The following EPHA5 variants were observed in gnomAD, a reference collection of about 807,000 sequenced individuals.
EPHA5 encodes the protein EPH receptor A5.
A neutral mutation model predicts 105.0 loss-of-function variants in EPHA5; 60 were observed. The observed-to-expected ratio is 0.57, with a 90% CI of 0.46 to 0.71. The LOEUF (loss-of-function observed/expected upper bound fraction) is 0.71. Among genes scored for constraint, EPHA5 ranks in the 30% least tolerant of loss-of-function variants. EPHA5 has a pLI of 0.00. For missense variants in EPHA5, 1,218 were observed against 1,274.7 expected, an observed-to-expected ratio of 0.96 and a Z score of 0.68; for synonymous variants, 513 against 449.1, an observed-to-expected ratio of 1.14 and a Z score of -1.80.
chr4:65,439,114 C>A (rs549883174), intron 5 of EPHA5, among the ~76,000 whole-genome samples: 1 of 152,048 alleles, frequency 6.6e-6, no homozygotes, highest in South Asian at 2.1e-4. Flanking sequence ...CTACAACTAG[C>A]AGTGCAGTTG....
chr4:65,431,893 TA>T (rs973265229), intron 5 of EPHA5, among the ~76,000 whole-genome samples: 16 of 149,926 alleles, frequency 1.1e-4, no homozygotes, highest in Admixed American at 2.7e-4. Context: ...ATGTGCCCAA[TA>T]AAAAAAAAGA....
chr4:65,468,872 C>T (rs1729017497), intron 5 of EPHA5, among the ~76,000 whole-genome samples: 1 of 151,402 alleles, frequency 6.6e-6, no homozygotes, highest in Non-Finnish European at 1.5e-5. Context: ...AAATCCATTC[C>T]ATTTACTCTC....
At chr4:65,627,975 TAA>T (rs1746302744) in intron 2 of EPHA5, among the ~76,000 whole-genome samples, 1 of 152,170 alleles carries the variant, frequency 6.6e-6, no homozygotes. Flanking sequence ...TAAACTGAGC[TAA>T]AGTTTGAAAT....
At chr4:65,420,369 A>G (rs1723822744) in intron 6 of EPHA5, 72 bp downstream of exon 6, 2 of 1,428,776 alleles carry the variant, frequency 1.4e-6, no homozygotes, top group African/African-American at 2.9e-5. Context: ...CTCTTCTGCA[A>G]GTTGGATAAT....
At chr4:65,495,192 A>G (rs1731800669) in intron 4 of EPHA5, among the ~76,000 whole-genome samples, 196 bp downstream of exon 4, 1 of 152,198 alleles carries the variant, frequency 6.6e-6, no homozygotes, top group African/African-American at 2.4e-5. Flanking sequence ...TACTTCTAAC[A>G]ATGAGTGATA....
At chr4:65,533,785 T>C (rs1370072028) in intron 3 of EPHA5, among the ~76,000 whole-genome samples, 2 of 151,950 alleles carry the variant, frequency 1.3e-5, no homozygotes, top group Non-Finnish European at 2.9e-5. Flanking sequence ...AATACAAAAA[T>C]TAGCTGGGTG....
chr4:65,542,937 T>C (rs973253711), intron 3 of EPHA5, among the ~76,000 whole-genome samples: 1 of 152,036 alleles, frequency 6.6e-6, no homozygotes, highest in Non-Finnish European at 1.5e-5. Flanking sequence ...TCAATAAACA[T>C]AATCCATCAC....
intron 2 of EPHA5, among the ~76,000 whole-genome samples, chr4:65,642,284 C>T (rs1747735295): frequency 6.6e-6 from 1 of 151,928 alleles, no homozygotes; most frequent in African/African-American, 2.4e-5. Context: ...AGGCATTTAT[C>T]TGTATGGAGC....
At position 65,618,882 on chromosome 4, in the gene EPHA5, C is replaced by T. The variant is rs1560780741; in HGVS notation, c.247-16578G>A. Among the ~76,000 whole-genome samples, 3 of 152,120 alleles carry T rather than the reference C, an allele frequency of 2.0e-5. No individual in the cohort carries two copies. The South Asian group carries it at 6.2e-4, about 31-fold the overall frequency. ...AAAGAATAAACTAATTGGTTGGGCGCGGTGGCTCACGCCTGTAATCCCAGC... is the reference window on the plus strand; with the variant it reads ...AAAGAATAAACTAATTGGTTGGGCGTGGTGGCTCACGCCTGTAATCCCAGC... On this transcript the variant is annotated intron_variant, in intron 2 of 16. Transcript: ENST00000613740.
chr4:65,655,298 C>T (rs1748958563), intron 1 of EPHA5, among the ~76,000 whole-genome samples: 2 of 151,824 alleles, frequency 1.3e-5, no homozygotes, highest in South Asian at 4.1e-4. Context: ...ACCAGAAGTA[C>T]TTTTTTTTAA....
chr4:65,639,627 C>G (rs1435205718), intron 2 of EPHA5, among the ~76,000 whole-genome samples: 1 of 152,064 alleles, frequency 6.6e-6, no homozygotes, highest in African/African-American at 2.4e-5. Context: ...ATTAATGTTT[C>G]CTCATCAAAT....
intron 3 of EPHA5, among the ~76,000 whole-genome samples, chr4:65,523,469 A>G (rs76915513): frequency 2.6e-3 from 400 of 152,146 alleles, no homozygotes; most frequent in African/African-American, 9.0e-3. Flanking sequence ...CGTAAACTCA[A>G]TGTGACAAAA....
Position 65,365,904 on chromosome 4 carries a change from A to G in EPHA5, c.1987+28T>C, listed in dbSNP as rs773733826. 5.0e-6 allele frequency: 8 copies of G among 1,588,594 alleles called. No homozygotes were observed. In the South Asian group the frequency reaches 9.0e-5, roughly 18 times the overall value. ...CATTCTGGAATGCAAACAAAAGTTAAAAATGAAAGTCAAACACATTGTCGT... is the reference window on the plus strand; with the variant it reads ...CATTCTGGAATGCAAACAAAAGTTAGAAATGAAAGTCAAACACATTGTCGT... On this transcript the variant is annotated intron_variant, in intron 10 of 16. Coordinates refer to ENST00000613740, the MANE Select transcript of EPHA5 (RefSeq NM_001281766.3).
chr4:65,349,152 C>T (rs1017216262), intron 13 of EPHA5, among the ~76,000 whole-genome samples: 1 of 151,932 alleles, frequency 6.6e-6, no homozygotes, highest in Non-Finnish European at 1.5e-5. Context: ...TACACTTTCC[C>T]TTGACGTTGT....
intron 7 of EPHA5, among the ~76,000 whole-genome samples, chr4:65,411,448 G>A (rs2149010109): frequency 6.6e-6 from 1 of 152,154 alleles, no homozygotes; most frequent in East Asian, 1.9e-4. Context: ...TCATCCTTAT[G>A]AATTGAACAG....
intron 6 of EPHA5, among the ~76,000 whole-genome samples, chr4:65,415,321 G>A (rs76996896): frequency 0.011 from 1,644 of 152,098 alleles, 33 homozygotes; most frequent in African/African-American, 0.038. Context: ...TCACAGAGAT[G>A]TTGTAAAAAT....
chr4:65,670,341 G>A lies in EPHA5; in HGVS notation c.-599C>T. The A allele has an allele frequency of 4.3e-6, 1 of 233,650 alleles. No homozygotes were observed. Among genetic ancestry groups the A allele is most frequent in the Middle Eastern group, 1.3e-3 (1 of 796 alleles). 14.5% of individuals were successfully genotyped at this position (233,650 alleles called of 1,614,324 possible). A position where few individuals can be genotyped will look rare whatever the true frequency, so the allele number is the denominator to read the frequency against. ...GCGGGCTGAGTGCTGAAGAGGGGAG[G>A]GACTGACGGCTGCCGGCCGGTAGGA... is the stretch of plus-strand genomic sequence containing the variant. On this transcript the variant is annotated 5_prime_UTR_variant, in exon 1 of 17. Coordinates refer to ENST00000613740, the MANE Select transcript of EPHA5 (RefSeq NM_001281766.3).
At chr4:65,552,225 G>A (rs1737988873) in intron 3 of EPHA5, among the ~76,000 whole-genome samples, 1 of 152,298 alleles carries the variant, frequency 6.6e-6, no homozygotes, top group South Asian at 2.1e-4. Flanking sequence ...CATTGTTCCA[G>A]TTCTTTGAAC....
chr4:65,536,180 G>T (rs1446586164), intron 3 of EPHA5, among the ~76,000 whole-genome samples: 1 of 151,802 alleles, frequency 6.6e-6, no homozygotes, highest in Non-Finnish European at 1.5e-5. Flanking sequence ...TTGAATGGGT[G>T]GATCTATCGC....
Sources: gnomAD v4.1 joint callset for allele counts (sites outside exome capture counted in the v4.1 genomes callset) on GRCh38, gnomAD v4.1.1 for gene constraint, MANE v1.5 for transcripts, NCBI Gene and HGNC (gene_info 2026-07-23, HGNC 2026-07-21) for gene names.